Variants in ASB13 observed in about 807,000 individuals in gnomAD.
ASB13 encodes the protein ankyrin repeat and SOCS box protein 13.
ASB13 carries 33 observed loss-of-function variants against 28.8 expected under a neutral mutation model. The ratio of observed to expected loss-of-function variants is 1.15; its 90% CI spans 0.87 to 1.53. The LOEUF (loss-of-function observed/expected upper bound fraction) is 1.53, where lower values mean the gene tolerates loss of function less well. Ranked by LOEUF, ASB13 falls within the 40% of genes most tolerant of loss-of-function variation. The probability of loss-of-function intolerance (pLI) is 0.00; values close to 1 mark genes in which losing one functional copy is unlikely to be tolerated. For missense variants in ASB13, 414 were observed against 390.1 expected (o/e 1.06, Z -0.52); for synonymous variants, 182 against 172.9 (o/e 1.05, Z -0.41).
At chr10:5,662,460 G>C (rs1835182267) in intron 1 of ASB13, among the ~76,000 whole-genome samples, 1 of 148,690 alleles carries the variant, frequency 6.7e-6, no homozygotes, top group African/African-American at 2.5e-5. Context: ...GAACCAAGCA[G>C]TGGAGACTGC....
Position 5,666,510 on chromosome 10 carries a change from C to G in ASB13, c.42G>C (p.Val14=), listed in dbSNP as rs1396392125. 3 of 1,289,238 alleles carry G rather than the reference C, an allele frequency of 2.3e-6. No homozygotes were observed. Among genetic ancestry groups the G allele is most frequent in the Admixed American group, 3.2e-5 (1 of 30,956 alleles). 79.9% of individuals were successfully genotyped at this position (1,289,238 alleles called of 1,614,324 possible). Residue 14 remains valine (V), a splice_region_variant and synonymous_variant, in exon 1 of 6, where the codon GTG becomes GTC. Transcript: ENST00000357700. ...RAADGCFLGD[V]GFWVERTPVH... The stretch of plus-strand genomic sequence containing the variant: ...GACCTCCGCGGCGCCCGCACGTACC[C>G]ACGTCGCCCAGGAAGCAGCCGTCCG...
chr10:5,653,512 T>C (rs891316061), intron 1 of ASB13, among the ~76,000 whole-genome samples: 3 of 152,228 alleles, frequency 2.0e-5, no homozygotes, highest in African/African-American at 7.2e-5. Flanking sequence ...GACCCCTGCA[T>C]TTACAGTGTC....
At chr10:5,646,459 C>A (rs17142343) in intron 4 of ASB13, among the ~76,000 whole-genome samples, 204 of 152,302 alleles carry the variant, frequency 1.3e-3, no homozygotes, top group African/African-American at 4.7e-3. Flanking sequence ...AAACGTCTGG[C>A]GTGTAGGCCT....
chr10:5,663,952 C>T lies in ASB13; in HGVS notation c.43+2557G>A, dbSNP rs1835214137. On this transcript the variant is annotated intron_variant, in intron 1 of 5. Transcript: ENST00000357700. This position sits in a 1 kb window ranked among gnomAD's most constrained non-coding sequence, Gnocchi z 4.9. ...GATTAAACACGGAGGATCTTCTCTGCCCCTCAGCAAAGATCTCACTCAACT... is the reference window on the plus strand; with the variant it reads ...GATTAAACACGGAGGATCTTCTCTGTCCCTCAGCAAAGATCTCACTCAACT... Among the ~76,000 whole-genome samples the T allele has an allele frequency of 6.6e-6, 1 of 152,176 alleles. No individual in the cohort carries two copies. The highest frequency in any genetic ancestry group is 1.5e-5 in the Non-Finnish European group (1 of 68,030).
intron 1 of ASB13, among the ~76,000 whole-genome samples, chr10:5,653,866 GA>G (rs1190109127): frequency 6.6e-6 from 1 of 152,190 alleles, no homozygotes; most frequent in African/African-American, 2.4e-5. Context: ...ATTTTCAGTA[GA>G]GATGGGGTTT....
In ASB13 at chr10:5,660,569, GC is replaced by G. The variant is rs1364207092; in HGVS notation, c.43+5939del. ...CACAGCTTACCCTCTCCAAACCTCG[GC>G]CTCCTCTCTCCTCAAATGGGTGCTG... On this transcript the variant is annotated intron_variant, in intron 1 of 5. Transcript: ENST00000357700. This position sits in a 1 kb window ranked among gnomAD's most constrained non-coding sequence, Gnocchi z 6.1. 6.6e-6 allele frequency among the ~76,000 whole-genome samples: 1 copy of G among 152,098 alleles called. No individual in the cohort carries two copies. Among genetic ancestry groups the G allele is most frequent in the Admixed American group, 6.6e-5 (1 of 15,258 alleles).
Position 5,666,588 on chromosome 10 carries a change from C to A in ASB13, c.-37G>T. ...GCGGCCGCGCGGCGACTCTGGGCGC[C>A]GGGACCTGGGCCGGGCCGCGCGGGG... On this transcript the variant is annotated 5_prime_UTR_variant, in exon 1 of 6. Transcript: ENST00000357700. 1 of 1,112,558 alleles carries A rather than the reference C, an allele frequency of 9.0e-7. No individual in the cohort carries two copies. The highest frequency in any genetic ancestry group is 4.3e-5 in the South Asian group (1 of 23,410). The allele number at this position is 1,112,558 out of a possible 1,614,324, so 68.9% of individuals were successfully genotyped here. A position where few individuals can be genotyped will look rare whatever the true frequency, so the allele number is the denominator to read the frequency against.
intron 1 of ASB13, among the ~76,000 whole-genome samples, chr10:5,654,530 C>G (rs533517314): frequency 6.6e-6 from 1 of 152,222 alleles, no homozygotes; most frequent in Non-Finnish European, 1.5e-5. Flanking sequence ...CTAACTGGTA[C>G]AGACCGTAAA....
In ASB13 at chr10:5,642,491, C is replaced by A; in HGVS notation, c.518-530G>T. ...AACGTACCCAAAACAGTAGGCAATT[C>A]AGAGAAGAGAGTAAGCTCTGCACTC... is the stretch of plus-strand genomic sequence containing the variant. On this transcript the variant is annotated intron_variant, in intron 4 of 5. Coordinates refer to ENST00000357700, the MANE Select transcript of ASB13 (RefSeq NM_024701.4). The surrounding 1 kb of genome is among the most constrained non-coding windows in gnomAD (Gnocchi z 4.1). 1 of 1,207,648 alleles carries A rather than the reference C, an allele frequency of 8.3e-7. No individual in the cohort carries two copies. Among genetic ancestry groups the A allele is most frequent in the Non-Finnish European group, 1.0e-6 (1 of 957,270 alleles). 74.8% of individuals were successfully genotyped at this position (1,207,648 alleles called of 1,614,324 possible). A position where few individuals can be genotyped will look rare whatever the true frequency, so the allele number is the denominator to read the frequency against.
At position 5,664,722 on chromosome 10, in the gene ASB13, C is replaced by T. The variant is rs573356856; in HGVS notation, c.43+1787G>A. On this transcript the variant is annotated intron_variant, in intron 1 of 5. Coordinates refer to ENST00000357700, the MANE Select transcript of ASB13 (RefSeq NM_024701.4). This position sits in a 1 kb window ranked among gnomAD's most constrained non-coding sequence, Gnocchi z 4.2. ...TTGAGACGGAGTCTCACTCTGTCGC[C>T]CAGGCTGGAGTGCAATGGCATGATC... Among the ~76,000 whole-genome samples, 1 of 152,220 alleles carries T rather than the reference C, an allele frequency of 6.6e-6. No homozygotes were observed. Among genetic ancestry groups the T allele is most frequent in the South Asian group, 2.1e-4 (1 of 4,818 alleles).
rs1835074517 is a variant in ASB13, at chr10:5,656,324, G to A, written c.44-3274C>T. On this transcript the variant is annotated intron_variant, in intron 1 of 5. Coordinates refer to ENST00000357700, the MANE Select transcript of ASB13 (RefSeq NM_024701.4). The surrounding 1 kb of genome is among the most constrained non-coding windows in gnomAD (Gnocchi z 4.3). ...GGAGGCCAAGGCGGGTGGATCACGA[G>A]GTCAGGAGTTTGAGACCAGCCTGGC... Among the ~76,000 whole-genome samples the A allele has an allele frequency of 6.6e-6, 1 of 152,222 alleles. No individual in the cohort carries two copies. Among genetic ancestry groups the A allele is most frequent in the Admixed American group, 6.5e-5 (1 of 15,280 alleles).
rs1414154036 is a variant in ASB13, at chr10:5,649,163, G to A, written c.383-59C>T. On this transcript the variant is annotated intron_variant, in intron 3 of 5. Coordinates refer to ENST00000357700, the MANE Select transcript of ASB13 (RefSeq NM_024701.4). The surrounding 1 kb of genome is among the most constrained non-coding windows in gnomAD (Gnocchi z 6.4). The stretch of plus-strand genomic sequence containing the variant: ...TGAATACGGACACTGGAGACAACAA[G>A]CACACAGACGCGGCAGGGGCAGCAG... 1 of 1,603,616 alleles carries A rather than the reference G, an allele frequency of 6.2e-7. No homozygotes were observed. The highest frequency in any genetic ancestry group is 8.5e-7 in the Non-Finnish European group (1 of 1,174,952).
chr10:5,644,556 G>A lies in ASB13; in HGVS notation c.518-2595C>T, dbSNP rs569443664. Among the ~76,000 whole-genome samples the A allele has an allele frequency of 4.1e-4, 62 of 152,228 alleles. No individual in the cohort carries two copies. Among genetic ancestry groups the A allele is most frequent in the South Asian group, 8.3e-4 (4 of 4,820 alleles). On this transcript the variant is annotated intron_variant, in intron 4 of 5. Coordinates refer to ENST00000357700, the MANE Select transcript of ASB13 (RefSeq NM_024701.4). This position sits in a 1 kb window ranked among gnomAD's most constrained non-coding sequence, Gnocchi z 5.1. ...AACAGGGCCAGACACGGTGGCTCAT[G>A]CCTGTAATCCCAGCACTTTGAGAGC...
intron 1 of ASB13, among the ~76,000 whole-genome samples, chr10:5,662,563 G>GA (rs1224067661): frequency 1.5e-4 from 15 of 101,794 alleles, no homozygotes; most frequent in South Asian, 8.2e-4. Context: ...GGGGAGGGGA[G>GA]GGGAGAAGAG....
Position 5,642,498 on chromosome 10 carries a change from G to A in ASB13, c.518-537C>T. ...CCAAAACAGTAGGCAATTCAGAGAA[G>A]AGAGTAAGCTCTGCACTCCTCAACT... is the stretch of plus-strand genomic sequence containing the variant. On this transcript the variant is annotated intron_variant, in intron 4 of 5. Transcript: ENST00000357700. This position sits in a 1 kb window ranked among gnomAD's most constrained non-coding sequence, Gnocchi z 4.1. 2 of 1,212,044 alleles carry A rather than the reference G, an allele frequency of 1.7e-6. No homozygotes were observed. Among genetic ancestry groups the A allele is most frequent in the South Asian group, 3.0e-5 (2 of 66,562 alleles). 75.1% of individuals were successfully genotyped at this position (1,212,044 alleles called of 1,614,324 possible).
intron 4 of ASB13, among the ~76,000 whole-genome samples, chr10:5,648,535 C>CGG (rs1471591351): frequency 7.3e-6 from 1 of 137,906 alleles, no homozygotes; most frequent in Non-Finnish European, 1.6e-5. Context: ...AACACCTACT[C>CGG]AGGTAAACAC....
intron 4 of ASB13, 131 bp downstream of exon 4, chr10:5,648,839 C>T: frequency 1.3e-6 from 2 of 1,504,330 alleles, no homozygotes; most frequent in Non-Finnish European, 1.8e-6. Flanking sequence ...AACATCCACT[C>T]CGGTAAACAC....
chr10:5,663,920 T>C lies in ASB13; in HGVS notation c.43+2589A>G, dbSNP rs1835213563. ...ACTGAAATCAAGAGCGATAGAGCTG[T>C]GTTTCTGATTAAACACGGAGGATCT... On this transcript the variant is annotated intron_variant, in intron 1 of 5. Transcript: ENST00000357700. The surrounding 1 kb of genome is among the most constrained non-coding windows in gnomAD (Gnocchi z 4.9). Among the ~76,000 whole-genome samples the C allele has an allele frequency of 6.6e-6, 1 of 152,206 alleles. No homozygotes were observed. Among genetic ancestry groups the C allele is most frequent in the African/African-American group, 2.4e-5 (1 of 41,446 alleles).
rs187471309 is a variant in ASB13 at position 5,664,561 on chromosome 10, C to A, written c.43+1948G>T. 1.1e-3 allele frequency among the ~76,000 whole-genome samples: 164 copies of A among 152,168 alleles called. 1 individual carries two copies. The highest frequency in any genetic ancestry group is 0.01 in the Middle Eastern group (3 of 294). ...AAATCTGATTTAAACAAAAACAATTCTACTGGAGGACCCTGGGGGGAACGT... is the reference window on the plus strand; with the variant it reads ...AAATCTGATTTAAACAAAAACAATTATACTGGAGGACCCTGGGGGGAACGT... On this transcript the variant is annotated intron_variant, in intron 1 of 5. Transcript: ENST00000357700. The surrounding 1 kb of genome is among the most constrained non-coding windows in gnomAD (Gnocchi z 4.2).
Sources: gnomAD v4.1 joint callset for allele counts (sites outside exome capture counted in the v4.1 genomes callset) on GRCh38, gnomAD v4.1.1 for gene constraint, Gnocchi (gnomAD v3.1) non-coding constraint, MANE v1.5 for transcripts, NCBI Gene and HGNC (gene_info 2026-07-23, HGNC 2026-07-21) for gene names.